The following ATP2B4 variants were observed in gnomAD, a reference collection of about 807,000 sequenced individuals.
ATP2B4 encodes the protein ATPase plasma membrane Ca2+ transporting 4.
A neutral mutation model predicts 110.3 loss-of-function variants in ATP2B4; 39 were observed. That is an observed-to-expected ratio of 0.35 (90% CI 0.27 to 0.46). The LOEUF is 0.46. Ranked by LOEUF, ATP2B4 falls within the 20% of genes least tolerant of loss-of-function variation. The pLI is 1.00. For synonymous variants in ATP2B4, 538 were observed against 571.7 expected, an observed-to-expected ratio of 0.94 and a Z score of 0.84; for missense variants, 1,135 against 1,530.9, an observed-to-expected ratio of 0.74 and a Z score of 4.32.
Position 203,721,458 on chromosome 1 carries a change from G to A in ATP2B4, c.2812+48G>A, listed in dbSNP as rs892084492. On this transcript the variant is annotated intron_variant, in intron 17 of 20. Coordinates refer to ENST00000357681, the MANE Select transcript of ATP2B4 (RefSeq NM_001684.5). Reference sequence around the variant, plus strand: ...AGCAGCTGGGGTCCTGGTTGGAGGTGGGGGCAGAGAAAGAAGGTAGCGTGA... The same window carrying A: ...AGCAGCTGGGGTCCTGGTTGGAGGTAGGGGCAGAGAAAGAAGGTAGCGTGA... 7 of 1,574,738 alleles carry A rather than the reference G, an allele frequency of 4.4e-6. No individual in the cohort carries two copies. In the Admixed American group the frequency reaches 1.0e-4, roughly 23 times the overall value.
chr1:203,743,974 AGAG>A lies in ATP2B4; in HGVS notation c.*4124_*4126del, dbSNP rs1222494957. 6.6e-6 allele frequency: 1 copy of A among 152,652 alleles called. No individual in the cohort carries two copies. Among genetic ancestry groups the A allele is most frequent in the African/African-American group, 2.4e-5 (1 of 41,460 alleles). The allele number at this position is 152,652 out of a possible 1,614,324, so 9.5% of individuals were successfully genotyped here. ...TTGTTCCACTGAGACCAGAAGAAGA[AGAG>A]GAGTTTTAAAAGGGATAATTTGTTG... On this transcript the variant is annotated 3_prime_UTR_variant, in exon 21 of 21. Transcript: ENST00000357681.
At chr1:203,691,280 A>G (rs1665365531) in intron 2 of ATP2B4, among the ~76,000 whole-genome samples, 2 of 152,158 alleles carry the variant, frequency 1.3e-5, no homozygotes, top group Non-Finnish European at 2.9e-5. Context: ...CTTGGCTTAC[A>G]TTGGACCATT....
intron 2 of ATP2B4, among the ~76,000 whole-genome samples, chr1:203,685,139 C>T (rs1181172220): frequency 6.6e-6 from 1 of 152,222 alleles, no homozygotes; most frequent in Non-Finnish European, 1.5e-5. Context: ...GTATGAGCCA[C>T]TGCGCCCGGC....
intron 1 of ATP2B4, among the ~76,000 whole-genome samples, chr1:203,660,093 A>AGAAAG (rs1553245072): frequency 6.8e-6 from 1 of 147,918 alleles, no homozygotes; most frequent in African/African-American, 2.6e-5. Context: ...AAAAAAAAAA[A>AGAAAG]AAAAAAAGAA....
chr1:203,722,745 T>A, intron 18 of ATP2B4, 56 bp downstream of exon 18: 1 of 1,566,596 alleles, frequency 6.4e-7, no homozygotes, highest in Non-Finnish European at 8.7e-7. Flanking sequence ...GGGCAGAAGC[T>A]GGGAGCCAGG....
At position 203,739,659 on chromosome 1, in the gene ATP2B4, G is replaced by T. The variant is rs774547453; in HGVS notation, c.3423G>T (p.Glu1141Asp). ...ACCCTGAATTCGCCATAGAGGAGGA[G>T]TTGCCACGAACACCACTCCTGGATG... The part of the protein sequence containing the change: ...MTHPEFAIEE[E>D]LPRTPLLDEE... The change falls in exon 21 of 21, where the codon GAG (glutamate) becomes GAT (aspartate). Residue 1141 changes from glutamate (E) to aspartate (D), a missense_variant. This residue lies in a region of ATP2B4 where 92 missense variants were observed against 82.5 expected (regional missense o/e 1.11). Coordinates refer to ENST00000357681, the MANE Select transcript of ATP2B4 (RefSeq NM_001684.5). 8 of 1,614,170 alleles carry T rather than the reference G, an allele frequency of 5.0e-6. No homozygotes were observed. The highest frequency in any genetic ancestry group is 2.2e-5 in the East Asian group (1 of 44,886).
At position 203,655,602 on chromosome 1, in the gene ATP2B4, T is replaced by A. The variant is rs193286995; in HGVS notation, c.-464-27140T>A. Among the ~76,000 whole-genome samples, 7 of 152,008 alleles carry A rather than the reference T, an allele frequency of 4.6e-5. No individual in the cohort carries two copies. The East Asian group carries it at 1.4e-3, about 29-fold the overall frequency. ...TGGAGGTTGCAGTGAGCTCAGATCA[T>A]GTCAGTGCACTCCAGCCTGGGCAAC... On this transcript the variant is annotated intron_variant, in intron 1 of 20. Transcript: ENST00000357681.
intron 20 of ATP2B4, chr1:203,729,672 A>G (rs1666638854): frequency 8.0e-7 from 1 of 1,257,328 alleles, no homozygotes; most frequent in African/African-American, 1.5e-5. Flanking sequence ...TGCCTCACCT[A>G]TCCAGGGCGA....
intron 1 of ATP2B4, among the ~76,000 whole-genome samples, chr1:203,632,025 C>T (rs1041877713): frequency 6.6e-6 from 1 of 151,796 alleles, no homozygotes; most frequent in African/African-American, 2.4e-5. Context: ...AACTCCTGAG[C>T]TCAGGCAATC....
intron 2 of ATP2B4, among the ~76,000 whole-genome samples, chr1:203,685,855 A>C (rs1394392524): frequency 6.6e-6 from 1 of 152,210 alleles, no homozygotes; most frequent in African/African-American, 2.4e-5. Flanking sequence ...TCAATAGATT[A>C]GTTTTCTCAG....
chr1:203,707,254 T>C, intron 9 of ATP2B4, 31 bp downstream of exon 9: 1 of 1,575,748 alleles, frequency 6.3e-7, no homozygotes, highest in Non-Finnish European at 8.7e-7. Context: ...TCTCTTCCTT[T>C]AGGATAGAGA....
intron 1 of ATP2B4, among the ~76,000 whole-genome samples, chr1:203,661,315 G>A (rs1323684189): frequency 6.6e-6 from 1 of 152,162 alleles, no homozygotes; most frequent in African/African-American, 2.4e-5. Context: ...TTTGGATTCT[G>A]GCTTGGCTTC....
At chr1:203,665,799 CAAA>C (rs11371841) in intron 1 of ATP2B4, among the ~76,000 whole-genome samples, 2 of 132,690 alleles carry the variant, frequency 1.5e-5, no homozygotes, top group Non-Finnish European at 1.6e-5. Flanking sequence ...GACTCCATCT[CAAA>C]AAAAAAAAAA....
intron 11 of ATP2B4, 72 bp from the exon 12 acceptor site, chr1:203,710,805 T>TA: frequency 8.1e-7 from 1 of 1,232,628 alleles, no homozygotes; most frequent in Non-Finnish European, 1.2e-6. Context: ...GTTGCCAAAA[T>TA]ACCTGTCAAT....
intron 1 of ATP2B4, chr1:203,657,096 A>G: frequency 1.2e-6 from 1 of 839,668 alleles, no homozygotes; most frequent in Non-Finnish European, 2.0e-6. Flanking sequence ...CCTCAATGAC[A>G]ATATCTTTGG....
At chr1:203,650,678 G>A (rs887544959) in intron 1 of ATP2B4, among the ~76,000 whole-genome samples, 85 of 152,254 alleles carry the variant, frequency 5.6e-4, no homozygotes, top group African/African-American at 2.0e-3. Context: ...GCGGGCTAGG[G>A]CGAGCGAGGC....
rs1238574277 is a variant in ATP2B4 at position 203,724,100 on chromosome 1, TCTC to T, written c.3132+116_3132+118del. The T allele has an allele frequency of 6.9e-4, 583 of 846,022 alleles. 3 individuals are homozygous for T. Among genetic ancestry groups the T allele is most frequent in the Non-Finnish European group, 9.6e-5 (54 of 564,668 alleles). The allele number at this position is 846,022 out of a possible 1,614,324, so 52.4% of individuals were successfully genotyped here. A position where few individuals can be genotyped will look rare whatever the true frequency, so the allele number is the denominator to read the frequency against. The stretch of plus-strand genomic sequence containing the variant: ...ACCCCCCAGCTCCTCATCTTCATCT[TCTC>T]CTCTTCCCTCCCCACCCCCACTCAA... On this transcript the variant is annotated intron_variant, in intron 19 of 20. Coordinates refer to ENST00000357681, the MANE Select transcript of ATP2B4 (RefSeq NM_001684.5).
intron 1 of ATP2B4, among the ~76,000 whole-genome samples, chr1:203,665,568 A>G (rs6593996): frequency 0.91 from 137,775 of 152,120 alleles, 63,528 homozygotes; most frequent in Non-Finnish European, 0.99. Context: ...TTGGGAGGCC[A>G]AGATGGGCGG....
Position 203,700,337 on chromosome 1 carries a change from G to C in ATP2B4, c.775+6G>C. 6.2e-7 allele frequency: 1 copy of C among 1,607,808 alleles called. No individual in the cohort carries two copies. Among genetic ancestry groups the C allele is most frequent in the South Asian group, 1.1e-5 (1 of 90,340 alleles). ...AGACCCCATGTTGCTCTCAGGTATA[G>C]GCCCTGGCTGCCCAAGTTCCCATTT... On this transcript the variant is annotated splice_donor_region_variant and intron_variant, in intron 5 of 20. Transcript: ENST00000357681.
Sources: allele counts gnomAD v4.1 joint callset (sites outside exome capture counted in the v4.1 genomes callset), GRCh38; gene constraint gnomAD v4.1.1; regional missense constraint gnomAD v4.1.1; transcripts MANE v1.5; gene names NCBI Gene and HGNC (gene_info 2026-07-23, HGNC 2026-07-21).